The following MBNL1 variants were observed in gnomAD, a reference collection of about 807,000 sequenced individuals.
MBNL1 encodes muscleblind like splicing regulator 1.
Under a neutral mutation model 42.2 loss-of-function variants are expected in MBNL1, and 8 were observed. The observed-to-expected ratio is 0.19, with a 90% confidence interval of 0.11 to 0.34. The LOEUF (loss-of-function observed/expected upper bound fraction) is 0.34, where lower values mean the gene tolerates loss of function less well. MBNL1 is among the 10% of genes least tolerant of loss of function. The pLI is 1.00. For synonymous variants in MBNL1, 169 were observed against 173.9 expected, an observed-to-expected ratio of 0.97 and a Z score of 0.22; for missense variants, 309 against 495.3, an observed-to-expected ratio of 0.62 and a Z score of 3.57.
At chr3:152,268,745 C>T, upstream of MBNL1, 1 of 455,148 alleles carries the variant, frequency 2.2e-6, no homozygotes, top group Non-Finnish European at 4.4e-6. Flanking sequence ...GACCCTGTGG[C>T]CCGGGGAAGC....
Position 152,300,125 on chromosome 3 carries a change from T to G in MBNL1, c.-69T>G. 4 of 1,000,346 alleles carry G rather than the reference T, an allele frequency of 4.0e-6. 1 individual carries two copies. Among genetic ancestry groups the G allele is most frequent in the South Asian group, 3.7e-5 (2 of 53,950 alleles). The allele number at this position is 1,000,346 out of a possible 1,614,324, so 62.0% of individuals were successfully genotyped here. A position where few individuals can be genotyped will look rare whatever the true frequency, so the allele number is the denominator to read the frequency against. On this transcript the variant is annotated 5_prime_UTR_variant, in exon 2 of 10. Transcript: ENST00000324210. ...CAGTTCAGCTTTTTTTTTTTGGTTG[T>G]TGCTCTTTTTTGGGGGGGTTGGGTT...
Position 152,380,690 on chromosome 3 carries a change from G to A in MBNL1, c.175-34251G>A, listed in dbSNP as rs147261084. Among the ~76,000 whole-genome samples, 633 of 151,874 alleles carry A rather than the reference G, an allele frequency of 4.2e-3. 6 individuals carry two copies. The highest frequency in any genetic ancestry group is 0.014 in the African/African-American group (584 of 41,448). On this transcript the variant is annotated intron_variant, in intron 2 of 9. Transcript: ENST00000324210. ...GGGAGTTACTGCATTTTCACATTAT[G>A]TACTTTAACACAACTTTAAACATTT...
intron 2 of MBNL1, among the ~76,000 whole-genome samples, chr3:152,389,074 T>G (rs2097564680): frequency 6.6e-6 from 1 of 152,180 alleles, no homozygotes; most frequent in Non-Finnish European, 1.5e-5. Flanking sequence ...ATACATACCC[T>G]TTTTATACAG....
chr3:152,459,354 AT>A lies in MBNL1; in HGVS notation c.*18+11del. On this transcript the variant is annotated intron_variant, in intron 9 of 9. Coordinates refer to ENST00000324210, the MANE Select transcript of MBNL1 (RefSeq NM_021038.5). The stretch of plus-strand genomic sequence containing the variant: ...ATTTTCATCACTAAACAGTAAGTTC[AT>A]TATGTAATATATAGTTGCATATTTG... 1 of 1,460,322 alleles carries A rather than the reference AT, an allele frequency of 6.8e-7. No individual in the cohort carries two copies. The highest frequency in any genetic ancestry group is 9.4e-7 in the Non-Finnish European group (1 of 1,063,278). The allele number at this position is 1,460,322 out of a possible 1,614,324, so 90.5% of individuals were successfully genotyped here.
intron 2 of MBNL1, among the ~76,000 whole-genome samples, chr3:152,376,744 A>G (rs2096918567): frequency 6.6e-6 from 1 of 152,150 alleles, no homozygotes; most frequent in Non-Finnish European, 1.5e-5. Context: ...CTCCTAGCAG[A>G]TGAGCTGAGG....
intron 2 of MBNL1, among the ~76,000 whole-genome samples, chr3:152,325,343 C>T (rs2152485166): frequency 6.6e-6 from 1 of 152,048 alleles, no homozygotes; most frequent in Non-Finnish European, 1.5e-5. Context: ...GATTCCACAG[C>T]CTACGACTTA....
intron 8 of MBNL1, chr3:152,458,507 G>A (rs1449105837): frequency 6.8e-6 from 2 of 292,006 alleles, no homozygotes; most frequent in Non-Finnish European, 6.6e-6. Flanking sequence ...CCAGTAAATG[G>A]ATCTCTGGGG....
At chr3:152,324,815 C>G (rs947014765) in intron 2 of MBNL1, among the ~76,000 whole-genome samples, 2 of 151,958 alleles carry the variant, frequency 1.3e-5, no homozygotes, top group Non-Finnish European at 2.9e-5. Flanking sequence ...ATAATAATAG[C>G]ACGTACCTTG....
Position 152,310,356 on chromosome 3 carries a change from C to T in MBNL1, c.174+9989C>T, listed in dbSNP as rs377048688. Among the ~76,000 whole-genome samples, 289 of 152,278 alleles carry T rather than the reference C, an allele frequency of 1.9e-3. 2 individuals are homozygous for T. The highest frequency in any genetic ancestry group is 6.4e-3 in the African/African-American group (268 of 41,566). ...AGAAGCTAAGAACAATTAACCCTTA[C>T]GAGGTTACACAGTCAGGAGATGCTG... On this transcript the variant is annotated intron_variant, in intron 2 of 9. Coordinates refer to ENST00000324210, the MANE Select transcript of MBNL1 (RefSeq NM_021038.5).
chr3:152,449,290 G>C (rs977538259), intron 6 of MBNL1: 7 of 152,162 alleles, frequency 4.6e-5, no homozygotes, highest in African/African-American at 1.7e-4. Flanking sequence ...CAGAGGTAGT[G>C]AGTTATCTCA....
chr3:152,306,514 G>A (rs1363784914), intron 2 of MBNL1, among the ~76,000 whole-genome samples: 1 of 152,182 alleles, frequency 6.6e-6, no homozygotes, highest in Non-Finnish European at 1.5e-5. Context: ...CTCCTTTTAA[G>A]CAAAGGTTCT....
intron 1 of MBNL1, among the ~76,000 whole-genome samples, chr3:152,287,443 A>T (rs1170299001): frequency 6.6e-6 from 1 of 152,210 alleles, no homozygotes; most frequent in African/African-American, 2.4e-5. Flanking sequence ...GTAAAGTTAT[A>T]GGGTAGAAAC....
intron 4 of MBNL1, among the ~76,000 whole-genome samples, chr3:152,435,299 C>T (rs1001919832): frequency 3.9e-5 from 6 of 152,108 alleles, no homozygotes; most frequent in African/African-American, 1.4e-4. Context: ...AATAGGGAGT[C>T]CTTTCCTCAT....
At chr3:152,377,436 G>A (rs558694982) in intron 2 of MBNL1, among the ~76,000 whole-genome samples, 1 of 152,290 alleles carries the variant, frequency 6.6e-6, no homozygotes, top group South Asian at 2.1e-4. Context: ...GTCAGCCATA[G>A]ACCGTTAGTA....
At chr3:152,426,554 T>C (rs2098934701) in intron 3 of MBNL1, among the ~76,000 whole-genome samples, 1 of 152,186 alleles carries the variant, frequency 6.6e-6, no homozygotes, top group Non-Finnish European at 1.5e-5. Context: ...CAAGTGTCCT[T>C]CAGAAATTCT....
intron 2 of MBNL1, among the ~76,000 whole-genome samples, chr3:152,361,561 G>A (rs945760514): frequency 4.6e-5 from 7 of 151,832 alleles, no homozygotes; most frequent in Non-Finnish European, 8.8e-5. Flanking sequence ...GCAATGATGA[G>A]AAAAGGAAAG....
intron 7 of MBNL1, 141 bp from the exon 8 acceptor site, chr3:152,456,126 G>T: frequency 1.5e-6 from 1 of 646,936 alleles, no homozygotes; most frequent in South Asian, 1.9e-5. Flanking sequence ...GTGATTGCAT[G>T]TCACTCGCTG....
intron 2 of MBNL1, among the ~76,000 whole-genome samples, chr3:152,320,625 A>G (rs2075860891): frequency 6.6e-6 from 1 of 151,948 alleles, no homozygotes; most frequent in Non-Finnish European, 1.5e-5. Context: ...TTAGCTTTCA[A>G]AGGTTGCATA....
Position 152,258,795 on chromosome 3 carries a change from C to T in MBNL1, n.333+14355C>T, listed in dbSNP as rs916147129. Among the ~76,000 whole-genome samples, 9 of 152,310 alleles carry T rather than the reference C, an allele frequency of 5.9e-5. No homozygotes were observed. In the South Asian group the frequency reaches 1.2e-3, roughly 21 times the overall value. On this transcript the variant is annotated intron_variant and non_coding_transcript_variant, in intron 2 of 2. Coordinates refer to the MBNL1 transcript ENST00000477171. ...AAATGCCCAAAGTTATGCCACATATCGTCTAAGCATACCTTCTTTCTAACA... is the reference window on the plus strand; with the variant it reads ...AAATGCCCAAAGTTATGCCACATATTGTCTAAGCATACCTTCTTTCTAACA...
Sources: allele counts gnomAD v4.1 joint callset (sites outside exome capture counted in the v4.1 genomes callset), GRCh38; gene constraint gnomAD v4.1.1; transcripts MANE v1.5; gene names NCBI Gene and HGNC (gene_info 2026-07-23, HGNC 2026-07-21).